Variants in GLI1 observed in about 807,000 individuals in gnomAD.
The protein encoded by GLI1 is transcription activator GLI1.
Under a neutral mutation model 87.8 loss-of-function variants are expected in GLI1, and 51 were observed. That is an observed-to-expected ratio of 0.58 (90% CI 0.46 to 0.73). GLI1 has a LOEUF of 0.73. GLI1 is among the 30% of genes least tolerant of loss of function. The pLI, the probability that GLI1 is intolerant of heterozygous loss-of-function variation, is 0.00. For synonymous variants in GLI1, 528 were observed against 558.2 expected (o/e 0.95, Z 0.76); for missense variants, 1,292 against 1,437.2 (o/e 0.90, Z 1.63).
chr12:57,470,273 G>T (rs1160601391), intron 11 of GLI1, 44 bp from the exon 12 acceptor site: 3 of 1,455,002 alleles, frequency 2.1e-6, no homozygotes, highest in Non-Finnish European at 1.9e-6. Flanking sequence ...GTGAAATTTA[G>T]GAAGCTCCTT....
rs545770520 is a variant in GLI1 at position 57,463,078 on chromosome 12, A to C, written c.-27-587A>C. ...TTAGTCCAAAACATGCCTTCTACAC[A>C]CAGACCACACAGGCAAAGCTCCCAC... On this transcript the variant is annotated intron_variant, in intron 1 of 11. Coordinates refer to ENST00000228682, the MANE Select transcript of GLI1 (RefSeq NM_005269.3). 1.2e-4 allele frequency among the ~76,000 whole-genome samples: 18 copies of C among 152,314 alleles called. No homozygotes were observed. The South Asian group carries it at 3.7e-3, about 32-fold the overall frequency.
In GLI1 at chr12:57,471,887, T is replaced by C. The variant is rs747056747; in HGVS notation, c.3147T>C (p.Phe1049=). ...ATCTTGACAACACTCAGCTGGACTT[T>C]GTGGCTATTCTGGATGAGCCCCAGG... The part of the protein sequence containing the change: ...SLDLDNTQLD[F]VAILDEPQGL... The change falls in exon 12 of 12, where the codon TTT becomes TTC. Residue 1049 remains phenylalanine, a synonymous_variant. Transcript: ENST00000228682. The surrounding 1 kb of genome is among the most constrained non-coding windows in gnomAD (Gnocchi z 4.9). 2.2e-5 allele frequency: 36 copies of C among 1,606,570 alleles called. No homozygotes were observed. Among genetic ancestry groups the C allele is most frequent in the Non-Finnish European group, 3.1e-5 (36 of 1,176,200 alleles).
In GLI1 at chr12:57,468,129, C is replaced by G; in HGVS notation, c.1213C>G (p.Arg405Gly). The G allele has an allele frequency of 6.2e-7, 1 of 1,614,130 alleles. No individual in the cohort carries two copies. The highest frequency in any genetic ancestry group is 1.7e-5 in the Admixed American group (1 of 60,034). The change falls in exon 10 of 12, where the codon CGG becomes GGG. Residue 405 changes from arginine (R) to glycine (G), a missense_variant. Coordinates refer to ENST00000228682, the MANE Select transcript of GLI1 (RefSeq NM_005269.3). ...GCACCGTGGGGATGGCCCCCTGCCT[C>G]GGGCACCATCCATTTCTACAGTGGA... ...KRHRGDGPLP[R>G]APSISTVEPK...
At chr12:57,460,959 C>G (rs888264298) in intron 1 of GLI1, among the ~76,000 whole-genome samples, 3 of 152,176 alleles carry the variant, frequency 2.0e-5, no homozygotes, top group African/African-American at 7.2e-5. Context: ...CCTACCGGGG[C>G]TGGGCGGGAC....
intron 2 of GLI1, 66 bp from the exon 3 acceptor site, chr12:57,463,933 T>C (rs1871310874): frequency 4.8e-6 from 6 of 1,259,194 alleles, no homozygotes; most frequent in Admixed American, 1.7e-5. Flanking sequence ...GATCAGGTCA[T>C]GTCTGGGGTT....
At position 57,465,913 on chromosome 12, in the gene GLI1, G is replaced by A. The variant is rs762210448; in HGVS notation, c.750G>A (p.Glu250=). Residue 250 remains glutamate (E), a synonymous_variant, in exon 7 of 12, where the codon GAG becomes GAA. Transcript: ENST00000228682. ...GCAGCCAGGAATTTGACTCCCAAGA[G>A]CAGCTGGTGCACGTGAGCCCCAGGG... ...DGCSQEFDSQ[E]QLVHHINSEH... is the part of the protein sequence containing the mutation. 6 of 1,613,908 alleles carry A rather than the reference G, an allele frequency of 3.7e-6. No homozygotes were observed. Among genetic ancestry groups the A allele is most frequent in the Non-Finnish European group, 4.2e-6 (5 of 1,179,888 alleles).
In GLI1 at chr12:57,471,082, G is replaced by A; in HGVS notation, c.2342G>A (p.Gly781Asp). The A allele has an allele frequency of 6.2e-7, 1 of 1,613,366 alleles. No individual in the cohort carries two copies. Among genetic ancestry groups the A allele is most frequent in the Non-Finnish European group, 8.5e-7 (1 of 1,179,746 alleles). Reference sequence around the variant, plus strand: ...CCTGACCCCACCCAAGAAACATGGGGTGAGTTCCCTTCCCACTCTGGGCTG... The same window carrying A: ...CCTGACCCCACCCAAGAAACATGGGATGAGTTCCCTTCCCACTCTGGGCTG... ...SYPDPTQETW[G>D]EFPSHSGLYP... Residue 781 changes from glycine to aspartate, a missense_variant, in exon 12 of 12, where the codon GGT (glycine) becomes GAT (aspartate). Transcript: ENST00000228682. The surrounding 1 kb of genome is among the most constrained non-coding windows in gnomAD (Gnocchi z 4.9).
chr12:57,460,815 A>C (rs888318411), intron 1 of GLI1, among the ~76,000 whole-genome samples: 2 of 151,952 alleles, frequency 1.3e-5, no homozygotes, highest in Non-Finnish European at 2.9e-5. Context: ...AAGGCCCTAG[A>C]ATGACCCCAT....
At chr12:57,467,547 G>A (rs1247097687) in intron 9 of GLI1, 50 bp downstream of exon 9, 1 of 1,457,038 alleles carries the variant, frequency 6.9e-7, no homozygotes, top group South Asian at 1.2e-5. Context: ...CCACCTACCA[G>A]GGAGATTCCC....
chr12:57,469,569 G>A lies in GLI1; in HGVS notation c.1447G>A (p.Glu483Lys). ...CACTGAAGACCTCTCCAGCTTGGAC[G>A]AGGGACCTTGCATTGCTGGCACTGG... is the stretch of plus-strand genomic sequence containing the variant. ...GSTEDLSSLD[E>K]GPCIAGTGLS... The change falls in exon 11 of 12, where the codon GAG becomes AAG. Residue 483 changes from glutamate (E) to lysine (K), a missense_variant. Coordinates refer to ENST00000228682, the MANE Select transcript of GLI1 (RefSeq NM_005269.3). The A allele has an allele frequency of 1.9e-6, 3 of 1,614,198 alleles. No homozygotes were observed. Among genetic ancestry groups the A allele is most frequent in the Non-Finnish European group, 2.5e-6 (3 of 1,180,036 alleles).
intron 9 of GLI1, among the ~76,000 whole-genome samples, chr12:57,467,770 A>G (rs904716051): frequency 2.0e-5 from 3 of 152,082 alleles, no homozygotes; most frequent in Admixed American, 6.5e-5. Context: ...ATGGGACCTC[A>G]CAGCCCTGGG....
chr12:57,472,262 GA>G lies in GLI1; in HGVS notation c.*207del. 1 of 606,824 alleles carries G rather than the reference GA, an allele frequency of 1.6e-6. No individual in the cohort carries two copies. Among genetic ancestry groups the G allele is most frequent in the Non-Finnish European group, 2.8e-6 (1 of 358,568 alleles). 37.6% of individuals were successfully genotyped at this position (606,824 alleles called of 1,614,324 possible). ...TCCTGATAATAAAGGAACTGCATCA[GA>G]AAAAATACCATGCCACTTTATGTAT... On this transcript the variant is annotated 3_prime_UTR_variant, in exon 12 of 12. Coordinates refer to ENST00000228682, the MANE Select transcript of GLI1 (RefSeq NM_005269.3).
chr12:57,469,284 TC>T, intron 10 of GLI1, 146 bp from the exon 11 acceptor site: 2 of 696,694 alleles, frequency 2.9e-6, no homozygotes, highest in South Asian at 3.8e-5. Flanking sequence ...TTCAGTTTGC[TC>T]CCCCATCTCT....
At position 57,462,894 on chromosome 12, in the gene GLI1, A is replaced by C. The variant is rs1255402778; in HGVS notation, c.-27-771A>C. Among the ~76,000 whole-genome samples, 3 of 152,138 alleles carry C rather than the reference A, an allele frequency of 2.0e-5. No individual in the cohort carries two copies. The East Asian group carries it at 5.8e-4, about 29-fold the overall frequency. On this transcript the variant is annotated intron_variant, in intron 1 of 11. Transcript: ENST00000228682. ...GGCTGTCCCTGGGGAGGGGCACGAGAAGGAAGGGGGAACGGGCTCTAGCAG... is the reference window on the plus strand; with the variant it reads ...GGCTGTCCCTGGGGAGGGGCACGAGCAGGAAGGGGGAACGGGCTCTAGCAG...
In GLI1 at chr12:57,470,977, G is replaced by C. The variant is rs1465909682; in HGVS notation, c.2237G>C (p.Arg746Thr). 1.9e-6 allele frequency: 3 copies of C among 1,613,414 alleles called. No individual in the cohort carries two copies. The highest frequency in any genetic ancestry group is 2.2e-5 in the South Asian group (2 of 90,998). ...EGAAAEPYGA[R>T]GPGSLPLGPG... The stretch of plus-strand genomic sequence containing the variant: ...GCAGCAGCTGAGCCTTATGGAGCGA[G>C]GGGTCCAGGCTCTCTGCCTCTTGGG... Residue 746 changes from arginine to threonine, a missense_variant, in exon 12 of 12, where the codon AGG (arginine) becomes ACG (threonine). Physicochemically the swap from Arg to Thr is moderately conservative, Grantham distance 71 (BLOSUM62 -1). Transcript: ENST00000228682.
chr12:57,460,879 C>T (rs73119345), intron 1 of GLI1, among the ~76,000 whole-genome samples: 3,605 of 152,206 alleles, frequency 0.024, 53 homozygotes, highest in South Asian at 0.038. Context: ...CAGGAGGAGC[C>T]GGGGAGACCT....
At chr12:57,465,985 A>G (rs41292005) in intron 7 of GLI1, 60 bp downstream of exon 7, 19,886 of 1,499,328 alleles carry the variant, frequency 0.013, 253 homozygotes, top group African/African-American at 0.051. Context: ...TCTGAGTGGG[A>G]CATGGTGGAA....
intron 5 of GLI1, 40 bp downstream of exon 5, chr12:57,465,295 A>C: frequency 7.1e-6 from 7 of 991,742 alleles, no homozygotes; most frequent in African/African-American, 1.7e-5. Flanking sequence ...CCCTCAGCTC[A>C]GGGTGGGTGG....
Position 57,468,099 on chromosome 12 carries a change from A to G in GLI1, c.1183A>G (p.Lys395Glu), listed in dbSNP as rs370035260. 1 of 1,614,192 alleles carries G rather than the reference A, an allele frequency of 6.2e-7. No homozygotes were observed. The highest frequency in any genetic ancestry group is 1.1e-5 in the South Asian group (1 of 91,090). ...TVHGPDAHVTKRHRGDGPLPR... is the reference protein window; with the variant it reads ...TVHGPDAHVTERHRGDGPLPR... ...GCATGGTCCTGACGCCCATGTGACCAAACGGCACCGTGGGGATGGCCCCCT... is the reference window on the plus strand; with the variant it reads ...GCATGGTCCTGACGCCCATGTGACCGAACGGCACCGTGGGGATGGCCCCCT... The change falls in exon 10 of 12, where the codon AAA becomes GAA. Residue 395 changes from lysine to glutamate, a missense_variant. Physicochemically the swap from Lys to Glu is moderately conservative, Grantham distance 56. Coordinates refer to ENST00000228682, the MANE Select transcript of GLI1 (RefSeq NM_005269.3).
Sources: allele counts gnomAD v4.1 joint callset (sites outside exome capture counted in the v4.1 genomes callset), GRCh38; gene constraint gnomAD v4.1.1; non-coding constraint Gnocchi (gnomAD v3.1); transcripts MANE v1.5; gene names NCBI Gene and HGNC (gene_info 2026-07-23, HGNC 2026-07-21).